CCDC91: variants seen among roughly 807,000 people sequenced by gnomAD.
CCDC91 encodes coiled-coil domain containing 91.
CCDC91 carries 48 observed loss-of-function variants against 63.2 expected under a neutral mutation model. The ratio of observed to expected loss-of-function variants is 0.76; its 90% confidence interval spans 0.60 to 0.97. CCDC91 has a LOEUF of 0.97. Ranked by LOEUF, CCDC91 falls within the 50% of genes least tolerant of loss-of-function variation. The pLI is 0.00. For missense variants in CCDC91, 500 were observed against 494.6 expected, an observed-to-expected ratio of 1.01 and a Z score of -0.10; for synonymous variants, 167 against 165.8, an observed-to-expected ratio of 1.01 and a Z score of -0.06.
intron 3 of CCDC91, chr12:28,268,563 C>T: frequency 1.9e-6 from 1 of 537,838 alleles, no homozygotes; most frequent in Non-Finnish European, 2.4e-6. Context: ...TCTGTGAAGT[C>T]TAGAATATCA....
chr12:28,319,915 C>T, intron 6 of CCDC91, among the ~76,000 whole-genome samples: 1 of 151,812 alleles, frequency 6.6e-6, no homozygotes. Flanking sequence ...GCAGTACCTA[C>T]AGATGCAGAG....
At chr12:28,544,155 G>T (rs1942825073) in intron 12 of CCDC91, among the ~76,000 whole-genome samples, 2 of 151,724 alleles carry the variant, frequency 1.3e-5, no homozygotes, top group African/African-American at 4.8e-5. Context: ...GGCCCTTTAT[G>T]CTCTGGCCTC....
Position 28,452,551 on chromosome 12 carries a change from A to G in CCDC91, c.998A>G (p.His333Arg). ...GAAAGAAAAAATTTAGAAAAAGCGC[A>G]TGCTGAAGAAAGGGAATTATGGAAG... ...EEERKNLEKAHAEERELWKTE... is the reference protein window; with the variant it reads ...EEERKNLEKARAEERELWKTE... Residue 333 changes from histidine (H) to arginine (R), a missense_variant, in exon 11 of 13, where the codon CAT (histidine) becomes CGT (arginine). Coordinates refer to ENST00000536442, the MANE Select transcript of CCDC91 (RefSeq NM_018318.5). The G allele has an allele frequency of 6.3e-7, 1 of 1,592,720 alleles. No individual in the cohort carries two copies. The highest frequency in any genetic ancestry group is 8.6e-7 in the Non-Finnish European group (1 of 1,169,398).
chr12:28,479,346 A>T (rs1174674253), intron 11 of CCDC91, among the ~76,000 whole-genome samples: 3 of 152,270 alleles, frequency 2.0e-5, no homozygotes, highest in African/African-American at 7.2e-5. Flanking sequence ...CATCATTCTG[A>T]GCAAACTATC....
chr12:28,218,084 T>G (rs577022120), intron 1 of CCDC91, among the ~76,000 whole-genome samples: 8 of 152,288 alleles, frequency 5.3e-5, no homozygotes, highest in South Asian at 4.1e-4. Context: ...TTTGATCCCT[T>G]TAGATATCCT....
In CCDC91 at chr12:28,394,481, A is replaced by C. The variant is rs2667450; in HGVS notation, c.762+3070A>C. 9.1e-3 allele frequency among the ~76,000 whole-genome samples: 1,372 copies of C among 151,492 alleles called. 15 individuals are homozygous for C. The highest frequency in any genetic ancestry group is 0.019 in the Admixed American group (289 of 15,260). On this transcript the variant is annotated intron_variant, in intron 8 of 12. Coordinates refer to ENST00000536442, the MANE Select transcript of CCDC91 (RefSeq NM_018318.5). The stretch of plus-strand genomic sequence containing the variant: ...TGTCTCAAAAAAACAAACAAACAAA[A>C]AAAAAACAAAGATTAAAGGGAGATT...
At chr12:28,338,832 TTTTCTTTTTCTTTC>T (rs1942201213) in intron 6 of CCDC91, among the ~76,000 whole-genome samples, 3 of 151,956 alleles carry the variant, frequency 2.0e-5, no homozygotes, top group Non-Finnish European at 4.4e-5. Context: ...ATATTTCTTT[TTTTCTTTTTCTTTC>T]TTTCTTTTTT....
chr12:28,193,684 T>G (rs1247304192), intron 1 of CCDC91, among the ~76,000 whole-genome samples: 1 of 152,248 alleles, frequency 6.6e-6, no homozygotes, highest in African/African-American at 2.4e-5. Flanking sequence ...AAGTGATGTT[T>G]GATGTTCCAG....
intron 3 of CCDC91, among the ~76,000 whole-genome samples, chr12:28,290,291 A>C (rs948763562): frequency 3.3e-5 from 5 of 151,990 alleles, no homozygotes; most frequent in Admixed American, 2.6e-4. Context: ...TGTTGGTTTG[A>C]AGTCTGTTTT....
At chr12:28,268,054 T>G (rs1348747339) in intron 3 of CCDC91, among the ~76,000 whole-genome samples, 10 of 140,726 alleles carry the variant, frequency 7.1e-5, no homozygotes, top group Non-Finnish European at 1.4e-4. Flanking sequence ...AATTAAAAAT[T>G]AAAAATAATT....
At chr12:28,290,981 C>T (rs1478222576) in intron 3 of CCDC91, among the ~76,000 whole-genome samples, 1 of 152,142 alleles carries the variant, frequency 6.6e-6, no homozygotes. Context: ...TATTTCCTCA[C>T]CACCGTATCC....
chr12:28,350,827 T>C (rs1404453348), intron 6 of CCDC91, among the ~76,000 whole-genome samples: 1 of 152,184 alleles, frequency 6.6e-6, no homozygotes, highest in Non-Finnish European at 1.5e-5. Flanking sequence ...CCCTCTTCCC[T>C]GTGTCTCAAA....
intron 12 of CCDC91, among the ~76,000 whole-genome samples, chr12:28,532,659 C>T (rs898014143): frequency 1.3e-5 from 2 of 151,708 alleles, no homozygotes; most frequent in Admixed American, 1.3e-4. Flanking sequence ...AGTAACTGTT[C>T]GAGTTATTAT....
chr12:28,363,472 T>C (rs1420083603), intron 7 of CCDC91, among the ~76,000 whole-genome samples: 1 of 152,188 alleles, frequency 6.6e-6, no homozygotes, highest in Non-Finnish European at 1.5e-5. Context: ...ATAATAAATA[T>C]AAAAAATCCC....
intron 11 of CCDC91, among the ~76,000 whole-genome samples, chr12:28,475,110 A>G (rs1951015326): frequency 6.6e-6 from 1 of 152,128 alleles, no homozygotes. Flanking sequence ...TTTTCTTTAC[A>G]TATATTAACA....
chr12:28,434,594 GTTTTTTTTTTTTT>G (rs376645678), intron 8 of CCDC91, among the ~76,000 whole-genome samples: 4 of 73,436 alleles, frequency 5.4e-5, no homozygotes, highest in African/African-American at 1.2e-4. Context: ...CCTTGGTCTG[GTTTTTTTTTTTTT>G]TTTTTTTTTT....
intron 6 of CCDC91, among the ~76,000 whole-genome samples, chr12:28,309,588 A>G (rs889563396): frequency 5.9e-5 from 9 of 152,032 alleles, no homozygotes; most frequent in Admixed American, 2.6e-4. Context: ...TTAACACTCC[A>G]TTGTTAAATT....
intron 8 of CCDC91, among the ~76,000 whole-genome samples, chr12:28,407,602 C>G (rs1178186220): frequency 1.3e-5 from 2 of 152,008 alleles, no homozygotes; most frequent in Non-Finnish European, 2.9e-5. Flanking sequence ...TTCCATGTAA[C>G]TTTTATAATC....
At chr12:28,357,229 A>G (rs1262550550) in intron 6 of CCDC91, among the ~76,000 whole-genome samples, 9 of 152,132 alleles carry the variant, frequency 5.9e-5, no homozygotes, top group African/African-American at 1.9e-4. Context: ...ATGTGTCTCT[A>G]TTAAAAAATT....
Sources: allele counts gnomAD v4.1 joint callset (sites outside exome capture counted in the v4.1 genomes callset), GRCh38; gene constraint gnomAD v4.1.1; transcripts MANE v1.5; gene names NCBI Gene and HGNC (gene_info 2026-07-23, HGNC 2026-07-21).